The following GPC6 variants were observed in gnomAD, a reference collection of about 807,000 sequenced individuals.
GPC6 encodes glypican-6.
A neutral mutation model predicts 55.2 loss-of-function variants in GPC6; 14 were observed. That is an observed-to-expected ratio of 0.25 (90% CI 0.17 to 0.40). The LOEUF is 0.40. GPC6 is among the 10% of genes least tolerant of loss of function. The pLI, the probability that GPC6 is intolerant of heterozygous loss-of-function variation, is 1.00. For missense variants in GPC6, 641 were observed against 708.5 expected, an observed-to-expected ratio of 0.90 and a Z score of 1.08; for synonymous variants, 278 against 259.6, an observed-to-expected ratio of 1.07 and a Z score of -0.68.
chr13:93,531,505 A>G (rs1171793943), intron 1 of GPC6, among the ~76,000 whole-genome samples: 1 of 152,096 alleles, frequency 6.6e-6, no homozygotes, highest in East Asian at 1.9e-4. Flanking sequence ...GCCTGCCCAC[A>G]TTATTGAGGG....
At chr13:93,429,361 C>T (rs949352762) in intron 1 of GPC6, among the ~76,000 whole-genome samples, 1 of 152,126 alleles carries the variant, frequency 6.6e-6, no homozygotes, top group South Asian at 2.1e-4. Context: ...AAGGATATTT[C>T]TACTCAAGTA....
chr13:94,032,037 A>G (rs79053002), intron 4 of GPC6, among the ~76,000 whole-genome samples: 2,185 of 152,288 alleles, frequency 0.014, 51 homozygotes, highest in South Asian at 0.066. Context: ...GCAAAGGTTG[A>G]TGAGACAAAG....
chr13:93,305,244 G>A (rs1294554679), intron 1 of GPC6, among the ~76,000 whole-genome samples: 1 of 151,698 alleles, frequency 6.6e-6, no homozygotes, highest in Non-Finnish European at 1.5e-5. Context: ...CCAGGCAGTC[G>A]TTTTTTTTGT....
At chr13:93,865,788 T>C (rs1018666069) in intron 3 of GPC6, among the ~76,000 whole-genome samples, 4 of 151,716 alleles carry the variant, frequency 2.6e-5, no homozygotes, top group Non-Finnish European at 4.4e-5. Flanking sequence ...ATTTTAGAAA[T>C]TTAAGGCAAA....
intron 1 of GPC6, among the ~76,000 whole-genome samples, chr13:93,322,221 G>C (rs1467636520): frequency 1.3e-5 from 2 of 152,012 alleles, no homozygotes; most frequent in Non-Finnish European, 2.9e-5. Flanking sequence ...GTGTCATGGA[G>C]TTTGTTGTAC....
At chr13:93,799,333 C>A (rs921825703) in intron 2 of GPC6, among the ~76,000 whole-genome samples, 13 of 152,168 alleles carry the variant, frequency 8.5e-5, no homozygotes, top group Admixed American at 7.2e-4. Context: ...TGATATGTAT[C>A]AGTGGTTAAA....
At chr13:94,003,984 A>G (rs775217702) in intron 3 of GPC6, among the ~76,000 whole-genome samples, 1 of 152,226 alleles carries the variant, frequency 6.6e-6, no homozygotes, top group Non-Finnish European at 1.5e-5. Flanking sequence ...ATAATCAAAG[A>G]TACAGGCAAA....
intron 2 of GPC6, among the ~76,000 whole-genome samples, chr13:93,640,597 G>A (rs1879871666): frequency 6.6e-6 from 1 of 152,018 alleles, no homozygotes. Context: ...AGAAATGGAA[G>A]CTGAGGCACT....
In GPC6 at chr13:94,185,895, C is replaced by T. The variant is rs185359117; in HGVS notation, c.878-100454C>T. On this transcript the variant is annotated intron_variant, in intron 4 of 8. Coordinates refer to ENST00000377047, the MANE Select transcript of GPC6 (RefSeq NM_005708.5). Reference sequence around the variant, plus strand: ...CTAACACGGTGAAACCCTGTCTCTACTAAAAATACAAAAAATTAGCCGGGC... The same window carrying T: ...CTAACACGGTGAAACCCTGTCTCTATTAAAAATACAAAAAATTAGCCGGGC... 4.6e-3 allele frequency among the ~76,000 whole-genome samples: 697 copies of T among 151,774 alleles called. 4 individuals carry two copies. The highest frequency in any genetic ancestry group is 0.015 in the African/African-American group (634 of 41,414).
chr13:93,528,046 G>A (rs1026462711), intron 1 of GPC6, among the ~76,000 whole-genome samples: 3 of 152,092 alleles, frequency 2.0e-5, no homozygotes, highest in African/African-American at 7.2e-5. Flanking sequence ...TTTTCATGAA[G>A]TCTTACAGGC....
At chr13:93,300,476 G>A (rs557366745) in intron 1 of GPC6, among the ~76,000 whole-genome samples, 196 of 150,804 alleles carry the variant, frequency 1.3e-3, no homozygotes, top group Non-Finnish European at 2.2e-3. Context: ...GTGAAACCCC[G>A]TCTCTACTAA....
intron 2 of GPC6, among the ~76,000 whole-genome samples, chr13:93,547,190 AAAAAAAT>A (rs1422506749): frequency 2.7e-5 from 2 of 73,346 alleles, no homozygotes; most frequent in Admixed American, 1.3e-4. Flanking sequence ...AAAAAAAAAA[AAAAAAAT>A]TAGCTGGGCG....
intron 1 of GPC6, among the ~76,000 whole-genome samples, chr13:93,424,890 C>CA (rs2139264995): frequency 6.6e-6 from 1 of 152,194 alleles, no homozygotes; most frequent in African/African-American, 2.4e-5. Context: ...ATATTAGGCC[C>CA]TTCTCTGGGG....
At chr13:93,718,277 T>C (rs1883324978) in intron 2 of GPC6, among the ~76,000 whole-genome samples, 1 of 152,012 alleles carries the variant, frequency 6.6e-6, no homozygotes, top group Non-Finnish European at 1.5e-5. Flanking sequence ...CACCGGTTGT[T>C]TCCTGACTTT....
At chr13:93,757,823 G>GGGCT (rs1274527718) in intron 2 of GPC6, among the ~76,000 whole-genome samples, 1 of 152,096 alleles carries the variant, frequency 6.6e-6, no homozygotes. Context: ...GCTTCACATA[G>GGGCT]GGCTGGATAA....
intron 3 of GPC6, among the ~76,000 whole-genome samples, chr13:93,914,502 A>G (rs1877188172): frequency 6.6e-6 from 1 of 152,138 alleles, no homozygotes. Context: ...TATTCTTGCT[A>G]CACTCTGTGG....
intron 3 of GPC6, among the ~76,000 whole-genome samples, chr13:93,998,773 T>A (rs1233496572): frequency 6.7e-6 from 1 of 149,064 alleles, no homozygotes; most frequent in African/African-American, 2.4e-5. Context: ...TATGTGTGTA[T>A]ATATATATAA....
intron 6 of GPC6, among the ~76,000 whole-genome samples, chr13:94,366,533 G>A (rs571118412): frequency 1.2e-4 from 18 of 152,262 alleles, no homozygotes; most frequent in African/African-American, 4.1e-4. Flanking sequence ...ATGCTTCAAG[G>A]TGCCTTATAT....
Position 93,626,946 on chromosome 13 carries a change from C to T in GPC6, c.319+81525C>T, listed in dbSNP as rs567777622. On this transcript the variant is annotated intron_variant, in intron 2 of 8. Coordinates refer to ENST00000377047, the MANE Select transcript of GPC6 (RefSeq NM_005708.5). ...TCATGGTAGAAGGCAAAGGGGGAAGCGGGCATGTCTTACATGGCTGGATCA... is the reference window on the plus strand; with the variant it reads ...TCATGGTAGAAGGCAAAGGGGGAAGTGGGCATGTCTTACATGGCTGGATCA... Among the ~76,000 whole-genome samples, 14 of 152,080 alleles carry T rather than the reference C, an allele frequency of 9.2e-5. No homozygotes were observed. In the South Asian group the frequency reaches 2.1e-3, roughly 23 times the overall value.
Sources: allele counts gnomAD v4.1 joint callset (sites outside exome capture counted in the v4.1 genomes callset), GRCh38; gene constraint gnomAD v4.1.1; transcripts MANE v1.5; gene names NCBI Gene and HGNC (gene_info 2026-07-23, HGNC 2026-07-21).